DNM3: variants seen among roughly 807,000 people sequenced by gnomAD.
The protein encoded by DNM3 is dynamin-3.
Under a neutral mutation model 101.6 loss-of-function variants are expected in DNM3, and 47 were observed. The ratio of observed to expected loss-of-function variants is 0.46; its 90% CI spans 0.37 to 0.59. The LOEUF is 0.59. DNM3 is among the 20% of genes least tolerant of loss of function. DNM3 has a pLI of 0.00. For synonymous variants in DNM3, 385 were observed against 387.9 expected (o/e 0.99, Z 0.09); for missense variants, 849 against 1,085.7 (o/e 0.78, Z 3.06).
intron 1 of DNM3, among the ~76,000 whole-genome samples, chr1:171,911,706 C>T (rs1288359794): frequency 6.6e-6 from 1 of 152,124 alleles, no homozygotes; most frequent in Admixed American, 6.5e-5. Flanking sequence ...TATTCAGGAC[C>T]AAGGACAGTA....
chr1:171,974,323 T>A (rs2044222295), intron 2 of DNM3, among the ~76,000 whole-genome samples: 1 of 152,222 alleles, frequency 6.6e-6, no homozygotes, highest in Non-Finnish European at 1.5e-5. Context: ...CACTTGCTTT[T>A]CAAGTAAGAT....
intron 10 of DNM3, among the ~76,000 whole-genome samples, chr1:172,058,530 G>A (rs1187809376): frequency 2.0e-5 from 3 of 152,108 alleles, no homozygotes; most frequent in Admixed American, 6.5e-5. Context: ...TAGAACTCAG[G>A]ATTAAGAATC....
At chr1:171,904,173 G>C (rs544680168) in intron 1 of DNM3, among the ~76,000 whole-genome samples, 1 of 150,172 alleles carries the variant, frequency 6.7e-6, no homozygotes, top group Non-Finnish European at 1.5e-5. Flanking sequence ...AAAAGCCAGC[G>C]TGGTGTCACG....
At chr1:172,284,518 C>T (rs186563424) in intron 15 of DNM3, among the ~76,000 whole-genome samples, 1 of 152,248 alleles carries the variant, frequency 6.6e-6, no homozygotes, top group African/African-American at 2.4e-5. Flanking sequence ...CTGTTCATCG[C>T]TATGTACCCC....
At chr1:172,282,638 C>T (rs1186931352) in intron 15 of DNM3, among the ~76,000 whole-genome samples, 1 of 152,124 alleles carries the variant, frequency 6.6e-6, no homozygotes, top group Non-Finnish European at 1.5e-5. Flanking sequence ...AAGGATATTC[C>T]AGATGGGATA....
intron 2 of DNM3, among the ~76,000 whole-genome samples, chr1:171,949,856 G>T (rs2042398590): frequency 2.0e-5 from 3 of 152,122 alleles, no homozygotes. Context: ...AACCACTTTG[G>T]AAAAGAGTTT....
intron 1 of DNM3, among the ~76,000 whole-genome samples, chr1:171,844,272 C>T (rs568782426): frequency 2.6e-5 from 4 of 152,124 alleles, no homozygotes; most frequent in Non-Finnish European, 5.9e-5. Flanking sequence ...CAGTTTCTTT[C>T]CTAAGGATGC....
chr1:171,929,504 G>A (rs967320114), intron 2 of DNM3, among the ~76,000 whole-genome samples: 2 of 152,196 alleles, frequency 1.3e-5, no homozygotes, highest in Non-Finnish European at 2.9e-5. Context: ...GGAGACCCTG[G>A]TTGGGAGGTC....
intron 4 of DNM3, among the ~76,000 whole-genome samples, 189 bp downstream of exon 4, chr1:171,989,337 T>C (rs996192797): frequency 4.0e-5 from 6 of 151,842 alleles, no homozygotes; most frequent in Non-Finnish European, 5.9e-5. Flanking sequence ...ATAATTTTAG[T>C]AAAGATTTAC....
At chr1:172,027,643 T>C (rs1393131212) in intron 4 of DNM3, among the ~76,000 whole-genome samples, 1 of 133,794 alleles carries the variant, frequency 7.5e-6, no homozygotes. Context: ...GGATACAGAG[T>C]CAGGACCCAT....
chr1:172,088,963 C>T (rs991447198), intron 12 of DNM3, among the ~76,000 whole-genome samples: 3 of 152,188 alleles, frequency 2.0e-5, no homozygotes, highest in African/African-American at 7.2e-5. Context: ...CTTTTAGAAT[C>T]ATTATGTCTC....
intron 13 of DNM3, among the ~76,000 whole-genome samples, chr1:172,127,061 G>A (rs2056666797): frequency 6.6e-6 from 1 of 151,946 alleles, no homozygotes; most frequent in African/African-American, 2.4e-5. Context: ...AATTCTAGTT[G>A]TACCCACTCT....
At chr1:172,159,464 T>A (rs927905702) in intron 14 of DNM3, among the ~76,000 whole-genome samples, 137 of 152,186 alleles carry the variant, frequency 9.0e-4, no homozygotes, top group African/African-American at 3.0e-3. Flanking sequence ...CCTCAGAAAT[T>A]TAGCATGTGT....
chr1:172,085,128 C>T (rs879620159), intron 12 of DNM3, among the ~76,000 whole-genome samples: 3 of 151,680 alleles, frequency 2.0e-5, no homozygotes, highest in Admixed American at 1.3e-4. Flanking sequence ...TTGGAATTTC[C>T]TGGCTTCTAA....
At chr1:172,032,371 T>G in intron 4 of DNM3, 31 bp from the exon 5 acceptor site, 4 of 1,519,216 alleles carry the variant, frequency 2.6e-6, no homozygotes, top group Non-Finnish European at 3.7e-6. Flanking sequence ...CTTCTGCAAA[T>G]TGTGTAATGT....
At chr1:172,244,564 CA>C (rs1204362272) in intron 14 of DNM3, among the ~76,000 whole-genome samples, 4 of 151,958 alleles carry the variant, frequency 2.6e-5, no homozygotes, top group Non-Finnish European at 4.4e-5. Context: ...AGACACTTCT[CA>C]AAAGAAGACA....
chr1:171,900,292 G>T (rs1469734020), intron 1 of DNM3, among the ~76,000 whole-genome samples: 1 of 152,160 alleles, frequency 6.6e-6, no homozygotes, highest in Non-Finnish European at 1.5e-5. Context: ...CTGGGGCTCA[G>T]AAGAGAGATT....
chr1:172,289,271 A>G (rs2063813651), intron 15 of DNM3, among the ~76,000 whole-genome samples: 1 of 152,142 alleles, frequency 6.6e-6, no homozygotes. Context: ...AGCCAGAACT[A>G]TTGTGGAGAA....
At chr1:171,948,800 A>G (rs2042324442) in intron 2 of DNM3, among the ~76,000 whole-genome samples, 8 of 152,140 alleles carry the variant, frequency 5.3e-5, no homozygotes, top group Admixed American at 5.2e-4. Context: ...AGGAAGTACT[A>G]AGGTCAAGAT....
Sources: allele counts gnomAD v4.1 joint callset (sites outside exome capture counted in the v4.1 genomes callset), GRCh38; gene constraint gnomAD v4.1.1; transcripts MANE v1.5; gene names NCBI Gene and HGNC (gene_info 2026-07-23, HGNC 2026-07-21).